AADAT: variants seen among roughly 807,000 people sequenced by gnomAD.
AADAT encodes aminoadipate aminotransferase, also known as kynurenine/alpha-aminoadipate aminotransferase, mitochondrial.
A neutral mutation model predicts 56.2 loss-of-function variants in AADAT; 25 were observed. The ratio of observed to expected loss-of-function variants is 0.44; its 90% confidence interval spans 0.32 to 0.62. The LOEUF is 0.62. Ranked by LOEUF, AADAT falls within the 20% of genes least tolerant of loss-of-function variation. The pLI, the probability that AADAT is intolerant of heterozygous loss-of-function variation, is 0.04. For missense variants in AADAT, 387 were observed against 510.5 expected, an observed-to-expected ratio of 0.76 and a Z score of 2.33; for synonymous variants, 173 against 164.7, an observed-to-expected ratio of 1.05 and a Z score of -0.39.
chr4:170,077,728 A>C (rs1015341091), intron 4 of AADAT, among the ~76,000 whole-genome samples: 2 of 152,192 alleles, frequency 1.3e-5, no homozygotes, highest in African/African-American at 4.8e-5. Flanking sequence ...ACAGAGCTGA[A>C]ATTGTTTCCC....
Position 170,073,285 on chromosome 4 carries a change from C to T in AADAT, c.505G>A (p.Asp169Asn). The T allele has an allele frequency of 1.9e-6, 3 of 1,614,064 alleles. No individual in the cohort carries two copies. The highest frequency in any genetic ancestry group is 2.5e-6 in the Non-Finnish European group (3 of 1,180,008). The change falls in exon 5 of 13, where the codon GAT becomes AAT. Residue 169 changes from aspartate to asparagine, a missense_variant. Asp to Asn is a conservative substitution (Grantham distance 23). Transcript: ENST00000337664. ...CTGGAAAGTATGTCTCTTAGGGAAT[C>T]TGGAACAATCCCACTTTCATCACTG... ...VASDESGIVP[D>N]SLRDILSRWK...
intron 9 of AADAT, 133 bp from the exon 10 acceptor site, chr4:170,066,611 A>C (rs1731475433): frequency 3.1e-6 from 2 of 648,946 alleles, no homozygotes; most frequent in African/African-American, 3.6e-5. Flanking sequence ...AGAAGAATGG[A>C]GCATATTTGT....
chr4:170,088,642 A>ATT, intron 1 of AADAT, 78 bp from the exon 2 acceptor site: 1 of 1,409,192 alleles, frequency 7.1e-7, no homozygotes, highest in Non-Finnish European at 9.9e-7. Context: ...CATTATAGTC[A>ATT]ATAAAACTAT....
At chr4:170,064,959 T>TCAA (rs1731376042) in intron 10 of AADAT, 134 bp from the exon 11 acceptor site, 1 of 687,038 alleles carries the variant, frequency 1.5e-6, no homozygotes, top group African/African-American at 1.9e-5. Flanking sequence ...ATTATAGCAT[T>TCAA]TTTAAAAATA....
At chr4:170,092,930 C>A (rs894379599), upstream of AADAT, among the ~76,000 whole-genome samples, 3 of 152,208 alleles carry the variant, frequency 2.0e-5, no homozygotes, top group African/African-American at 7.2e-5. Context: ...GCACACAGAT[C>A]CTTATGTGTT....
In AADAT at chr4:170,064,838, GAA is replaced by G; in HGVS notation, c.1028-15_1028-14del. On this transcript the variant is annotated splice_polypyrimidine_tract_variant and intron_variant, in intron 10 of 12. Transcript: ENST00000337664. ...CATTCTGCCAAACCTACAAACAAAA[GAA>G]GAGAATAAATGTCTTCCAAAGGAAG... 1 of 1,603,074 alleles carries G rather than the reference GAA, an allele frequency of 6.2e-7. No homozygotes were observed. Among genetic ancestry groups the G allele is most frequent in the Non-Finnish European group, 8.5e-7 (1 of 1,176,462 alleles).
chr4:170,064,878 A>C, intron 10 of AADAT, 53 bp from the exon 11 acceptor site: 1 of 1,495,544 alleles, frequency 6.7e-7, no homozygotes, highest in Non-Finnish European at 9.2e-7. Flanking sequence ...ATTTTTGATG[A>C]TATCAAAGTG....
At chr4:170,061,361 GTAAA>G (rs1289665542) in intron 12 of AADAT, among the ~76,000 whole-genome samples, 1 of 152,132 alleles carries the variant, frequency 6.6e-6, no homozygotes, top group Non-Finnish European at 1.5e-5. Context: ...GAGAAAGCAA[GTAAA>G]TAAAGAACAT....
intron 6 of AADAT, among the ~76,000 whole-genome samples, chr4:170,070,290 C>T (rs552739769): frequency 3.3e-5 from 5 of 151,958 alleles, no homozygotes; most frequent in South Asian, 2.1e-4. Context: ...GAGTTTAAGA[C>T]GTCCATCAGC....
intron 9 of AADAT, among the ~76,000 whole-genome samples, chr4:170,067,076 T>C (rs1465716231): frequency 1.3e-5 from 2 of 152,224 alleles, no homozygotes; most frequent in Non-Finnish European, 2.9e-5. Context: ...AATCTTAACC[T>C]GGTGGGAATT....
In AADAT at chr4:170,088,468, A is replaced by G. The variant is rs1242683262; in HGVS notation, c.164T>C (p.Val55Ala). 6.2e-7 allele frequency: 1 copy of G among 1,613,538 alleles called. No individual in the cohort carries two copies. Among genetic ancestry groups the G allele is most frequent in the Non-Finnish European group, 8.5e-7 (1 of 1,179,654 alleles). ...MFPFKTAVIT[V>A]ENGKTIQFGE... ...AAATTGGATGGTCTTTCCATTTTCTACAGTGATTACGGCAGTCTTAAAAGG... is the reference window on the plus strand; with the variant it reads ...AAATTGGATGGTCTTTCCATTTTCTGCAGTGATTACGGCAGTCTTAAAAGG... Residue 55 changes from valine (V) to alanine (A), a missense_variant, in exon 2 of 13, where the codon GTA (valine) becomes GCA (alanine). Transcript: ENST00000337664.
At chr4:170,093,118 TTAGA>T (rs1290507908), upstream of AADAT, among the ~76,000 whole-genome samples, 1 of 152,118 alleles carries the variant, frequency 6.6e-6, no homozygotes, top group African/African-American at 2.4e-5. Context: ...CAAGGTTTCC[TTAGA>T]TACTTAGAAG....
At chr4:170,088,191 C>T (rs576513256) in intron 2 of AADAT, among the ~76,000 whole-genome samples, 13 of 151,992 alleles carry the variant, frequency 8.6e-5, no homozygotes, top group African/African-American at 2.7e-4. Context: ...GAAAACCTTT[C>T]CCCAGACCTT....
chr4:170,089,253 C>G (rs2111220880), intron 1 of AADAT: 1 of 467,306 alleles, frequency 2.1e-6, no homozygotes, highest in Non-Finnish European at 4.1e-6. Flanking sequence ...CACCCCTCTC[C>G]CATTTACCTG....
intron 12 of AADAT, 91 bp downstream of exon 12, chr4:170,061,801 T>C (rs1731202492): frequency 3.5e-6 from 3 of 853,358 alleles, no homozygotes; most frequent in Non-Finnish European, 3.4e-6. Flanking sequence ...CAAACAGATA[T>C]TAAGTAATAT....
chr4:170,089,794 G>A lies in AADAT; in HGVS notation c.-104C>T, dbSNP rs1431037654. On this transcript the variant is annotated 5_prime_UTR_variant, in exon 1 of 13. Coordinates refer to ENST00000337664, the MANE Select transcript of AADAT (RefSeq NM_016228.4). ...CCTGCTAACTCCTCACTCTGGCAAC[G>A]CCACCGCGAGATGTGTCCCCCCGCT... The A allele has an allele frequency of 1.7e-6, 2 of 1,172,514 alleles. No individual in the cohort carries two copies. Among genetic ancestry groups the A allele is most frequent in the Non-Finnish European group, 2.5e-6 (2 of 811,070 alleles). 72.6% of individuals were successfully genotyped at this position (1,172,514 alleles called of 1,614,324 possible). A position where few individuals can be genotyped will look rare whatever the true frequency, so the allele number is the denominator to read the frequency against.
chr4:170,077,972 A>G (rs1294125474), intron 4 of AADAT, among the ~76,000 whole-genome samples: 1 of 152,134 alleles, frequency 6.6e-6, no homozygotes, highest in African/African-American at 2.4e-5. Flanking sequence ...TTTCTGTCTT[A>G]AAGTAGACTG....
rs567375666 is a variant in AADAT, at chr4:170,079,037, A to G, written c.370-454T>C. Among the ~76,000 whole-genome samples, 33 of 152,316 alleles carry G rather than the reference A, an allele frequency of 2.2e-4. No homozygotes were observed. The East Asian group carries it at 6.0e-3, about 28-fold the overall frequency. On this transcript the variant is annotated intron_variant, in intron 3 of 12. Coordinates refer to ENST00000337664, the MANE Select transcript of AADAT (RefSeq NM_016228.4). ...GTGTCAGAGATAAAATAGCAAAATG[A>G]CATGGTTCTTACTCTCATGGAGCTA...
chr4:170,089,894 C>T lies in AADAT; in HGVS notation c.-204G>A. 3.4e-6 allele frequency: 2 copies of T among 589,226 alleles called. No individual in the cohort carries two copies. The highest frequency in any genetic ancestry group is 1.9e-5 in the South Asian group (1 of 51,294). The allele number at this position is 589,226 out of a possible 1,614,324, so 36.5% of individuals were successfully genotyped here. On this transcript the variant is annotated 5_prime_UTR_variant, in exon 1 of 13. Transcript: ENST00000337664. ...CGGCTGGACGCTGCGTTCGGTCTCCCGGTCCTAAACGGGTCTGGGGCTGTG... is the reference window on the plus strand; with the variant it reads ...CGGCTGGACGCTGCGTTCGGTCTCCTGGTCCTAAACGGGTCTGGGGCTGTG...
Sources: gnomAD v4.1 joint callset for allele counts (sites outside exome capture counted in the v4.1 genomes callset) on GRCh38, gnomAD v4.1.1 for gene constraint, MANE v1.5 for transcripts, NCBI Gene and HGNC (gene_info 2026-07-23, HGNC 2026-07-21) for gene names.